Variants in KCNG2 observed in about 807,000 individuals in gnomAD.
KCNG2 encodes voltage-gated potassium channel regulatory subunit KCNG2.
Under a neutral mutation model 12.3 loss-of-function variants are expected in KCNG2, and 7 were observed. The observed-to-expected ratio is 0.57, with a 90% confidence interval of 0.32 to 1.07. The LOEUF is 1.07. KCNG2 is among the 50% of genes least tolerant of loss of function. The probability of loss-of-function intolerance (pLI) is 0.04; values close to 1 mark genes in which losing one functional copy is unlikely to be tolerated. For missense variants in KCNG2, 703 were observed against 726.0 expected, an observed-to-expected ratio of 0.97 and a Z score of 0.36; for synonymous variants, 414 against 351.4, an observed-to-expected ratio of 1.18 and a Z score of -1.99.
Position 79,863,926 on chromosome 18 carries a change from G to GC in KCNG2, c.260dup (p.Gly88ArgfsTer168). On this transcript the variant is annotated frameshift_variant, in exon 3 of 4. Transcript: ENST00000316249. LOFTEE classifies it high-confidence loss of function. ...CCGCGCCATCGTGGCGCTTTTGCGC[G>GC]CAGGGAAGCTGCGACTGCTGCGGGG... The GC allele has an allele frequency of 7.3e-7, 1 of 1,375,702 alleles. No homozygotes were observed. Among genetic ancestry groups the GC allele is most frequent in the East Asian group, 3.1e-5 (1 of 32,764 alleles). 85.2% of individuals were successfully genotyped at this position (1,375,702 alleles called of 1,614,324 possible).
intron 1 of KCNG2, among the ~76,000 whole-genome samples, chr18:79,802,297 T>G (rs1346280084): frequency 1.3e-5 from 2 of 152,148 alleles, no homozygotes; most frequent in Non-Finnish European, 2.9e-5. Context: ...ACGCGGCTCA[T>G]GGAGGGGCGT....
chr18:79,885,273 G>A (rs1599430462), intron 3 of KCNG2, among the ~76,000 whole-genome samples: 1 of 152,286 alleles, frequency 6.6e-6, no homozygotes, highest in Non-Finnish European at 1.5e-5. Flanking sequence ...GTGGCTGTGC[G>A]GGCCTCAAAG....
rs78773940 is a variant in KCNG2, at chr18:79,870,110, C to T, written c.624+5819C>T. On this transcript the variant is annotated intron_variant, in intron 3 of 3. Coordinates refer to ENST00000316249, the MANE Select transcript of KCNG2 (RefSeq NM_012283.2). Reference sequence around the variant, plus strand: ...GGACCTCCAGTGAGTCTGTGGCCTTCGGGAGTTTAGGCTGTGGACAGCTAC... The same window carrying T: ...GGACCTCCAGTGAGTCTGTGGCCTTTGGGAGTTTAGGCTGTGGACAGCTAC... Among the ~76,000 whole-genome samples the T allele has an allele frequency of 1.6e-3, 249 of 152,318 alleles. 1 individual carries two copies. The highest frequency in any genetic ancestry group is 4.3e-3 in the South Asian group (21 of 4,830).
intron 3 of KCNG2, among the ~76,000 whole-genome samples, chr18:79,889,693 CCTT>C (rs1205384234): frequency 9.9e-5 from 15 of 152,226 alleles, no homozygotes; most frequent in Non-Finnish European, 1.5e-4. Context: ...CATGACATGA[CCTT>C]CTCATTGGCC....
chr18:79,890,092 C>A (rs1176252690), intron 3 of KCNG2, among the ~76,000 whole-genome samples: 1 of 152,114 alleles, frequency 6.6e-6, no homozygotes, highest in African/African-American at 2.4e-5. Flanking sequence ...ATGTCTAATT[C>A]TTTTTCTACA....
chr18:79,890,861 A>G (rs1391580153), intron 3 of KCNG2, among the ~76,000 whole-genome samples: 2 of 152,238 alleles, frequency 1.3e-5, no homozygotes, highest in Non-Finnish European at 2.9e-5. Flanking sequence ...GATTATTCAC[A>G]GTGCTGCTTT....
chr18:79,838,413 CTTT>C (rs753255677), intron 1 of KCNG2, among the ~76,000 whole-genome samples: 3 of 142,426 alleles, frequency 2.1e-5, no homozygotes, highest in Non-Finnish European at 1.5e-5. Flanking sequence ...CCAAACAAGT[CTTT>C]TTTTTTTTTT....
chr18:79,800,090 G>A lies in KCNG2; in HGVS notation c.-115+2076G>A, dbSNP rs1017552914. Among the ~76,000 whole-genome samples, 1 of 152,168 alleles carries A rather than the reference G, an allele frequency of 6.6e-6. No homozygotes were observed. The highest frequency in any genetic ancestry group is 1.5e-5 in the Non-Finnish European group (1 of 68,030). Reference sequence around the variant, plus strand: ...CTCAGGCAGGCACCTGGAGGGCAGCGCGAACGGAGGGCTGTTTGTCGTGGG... The same window carrying A: ...CTCAGGCAGGCACCTGGAGGGCAGCACGAACGGAGGGCTGTTTGTCGTGGG... On this transcript the variant is annotated intron_variant, in intron 1 of 3. Coordinates refer to ENST00000316249, the MANE Select transcript of KCNG2 (RefSeq NM_012283.2). The surrounding 1 kb of genome is among the most constrained non-coding windows in gnomAD (Gnocchi z 4.0).
At chr18:79,850,619 TC>T (rs2123048100) in intron 1 of KCNG2, among the ~76,000 whole-genome samples, 1 of 152,354 alleles carries the variant, frequency 6.6e-6, no homozygotes, top group South Asian at 2.1e-4. Flanking sequence ...TTCTCTTCTT[TC>T]CCCTCGATTC....
chr18:79,883,202 G>T (rs980033304), intron 3 of KCNG2, among the ~76,000 whole-genome samples: 3 of 147,928 alleles, frequency 2.0e-5, no homozygotes, highest in African/African-American at 4.9e-5. Flanking sequence ...CTGCGATCCC[G>T]TCTATGGGAT....
At chr18:79,846,196 C>T (rs1978619555) in intron 1 of KCNG2, among the ~76,000 whole-genome samples, 1 of 149,902 alleles carries the variant, frequency 6.7e-6, no homozygotes, top group South Asian at 2.1e-4. Context: ...CATGGTGAAA[C>T]CCTGTCTCTA....
chr18:79,822,185 T>C lies in KCNG2; in HGVS notation c.-115+24171T>C, dbSNP rs552834496. Among the ~76,000 whole-genome samples the C allele has an allele frequency of 2.8e-4, 42 of 152,314 alleles. No homozygotes were observed. In the East Asian group the frequency reaches 3.3e-3, roughly 12 times the overall value. Reference sequence around the variant, plus strand: ...TTTATTTGAACGATTTTTAGACTTATAGGAAAGTTGCAGATTCATAGAGGT... The same window carrying C: ...TTTATTTGAACGATTTTTAGACTTACAGGAAAGTTGCAGATTCATAGAGGT... On this transcript the variant is annotated intron_variant, in intron 1 of 3. Coordinates refer to ENST00000316249, the MANE Select transcript of KCNG2 (RefSeq NM_012283.2). The surrounding 1 kb of genome is among the most constrained non-coding windows in gnomAD (Gnocchi z 4.4).
At position 79,884,254 on chromosome 18, in the gene KCNG2, C is replaced by G. The variant is rs1015782456; in HGVS notation, c.625-14786C>G. On this transcript the variant is annotated intron_variant, in intron 3 of 3. Coordinates refer to ENST00000316249, the MANE Select transcript of KCNG2 (RefSeq NM_012283.2). This position sits in a 1 kb window ranked among gnomAD's most constrained non-coding sequence, Gnocchi z 5.5. The stretch of plus-strand genomic sequence containing the variant: ...ATGTCCCTGTTCTCAGCCCTCCTCC[C>G]GCCCCTCCCTGTGGGCCCCACACCT... 6.6e-6 allele frequency among the ~76,000 whole-genome samples: 1 copy of G among 152,102 alleles called. No homozygotes were observed. The highest frequency in any genetic ancestry group is 6.6e-5 in the Admixed American group (1 of 15,264).
chr18:79,867,493 G>T (rs571339246), intron 3 of KCNG2, among the ~76,000 whole-genome samples: 1 of 112,430 alleles, frequency 8.9e-6, no homozygotes, highest in Non-Finnish European at 1.9e-5. Context: ...TCGTGTCTGG[G>T]GGGGGGATCG....
chr18:79,835,009 G>A (rs1978316066), intron 1 of KCNG2, among the ~76,000 whole-genome samples: 1 of 152,176 alleles, frequency 6.6e-6, no homozygotes, highest in African/African-American at 2.4e-5. Context: ...ACCCATATGG[G>A]GAGCAGTAAC....
rs1012506143 is a variant in KCNG2, at chr18:79,898,042, C to T, written c.625-998C>T. On this transcript the variant is annotated intron_variant, in intron 3 of 3. Transcript: ENST00000316249. ...CTGCCAGCTGTCTTCTCCCCTCATT[C>T]CCCGGCACCTTAGCCAGCGTGCAGT... Among the ~76,000 whole-genome samples, 11 of 152,306 alleles carry T rather than the reference C, an allele frequency of 7.2e-5. 1 individual carries two copies. In the South Asian group the frequency reaches 2.1e-3, roughly 29 times the overall value.
chr18:79,882,251 C>T (rs1364330295), intron 3 of KCNG2, among the ~76,000 whole-genome samples: 15 of 152,222 alleles, frequency 9.9e-5, no homozygotes, highest in Non-Finnish European at 4.4e-5. Context: ...GGTCTCAGGC[C>T]TGTAACCCTA....
chr18:79,831,664 TTCGTCAGGAGGGTTCCCTGCGG>T, intron 1 of KCNG2, among the ~76,000 whole-genome samples: 2 of 118,094 alleles, frequency 1.7e-5, no homozygotes, highest in African/African-American at 8.5e-5. Flanking sequence ...GGACAGAGCC[TTCGTCAGGAGGGTTCCCTGCGG>T]ACAGAGCCTT....
chr18:79,898,441 A>G (rs1353166367), intron 3 of KCNG2, among the ~76,000 whole-genome samples: 3 of 152,200 alleles, frequency 2.0e-5, no homozygotes, highest in Admixed American at 1.3e-4. Context: ...GGGACTGGGC[A>G]GGAGGAGGGA....
Sources: allele counts gnomAD v4.1 joint callset (sites outside exome capture counted in the v4.1 genomes callset), GRCh38; gene constraint gnomAD v4.1.1; non-coding constraint Gnocchi (gnomAD v3.1); transcripts MANE v1.5; gene names NCBI Gene and HGNC (gene_info 2026-07-23, HGNC 2026-07-21).